Variants in LRRC8C observed in about 807,000 individuals in gnomAD.
The protein encoded by LRRC8C is volume-regulated anion channel subunit LRRC8C.
Under a neutral mutation model 55.3 loss-of-function variants are expected in LRRC8C, and 20 were observed. The observed-to-expected ratio is 0.36, with a 90% CI of 0.25 to 0.53. The LOEUF is 0.53. Ranked by LOEUF, LRRC8C falls within the 20% of genes least tolerant of loss-of-function variation. The probability of loss-of-function intolerance (pLI) is 0.92; values close to 1 mark genes in which losing one functional copy is unlikely to be tolerated. For missense variants in LRRC8C, 659 were observed against 951.4 expected (o/e 0.69, Z 4.04); for synonymous variants, 376 against 360.7 (o/e 1.04, Z -0.48).
the LRRC8C span, among the ~76,000 whole-genome samples, chr1:89,616,027 T>C: frequency 6.6e-6 from 1 of 152,126 alleles, no homozygotes; most frequent in Non-Finnish European, 1.5e-5. Flanking sequence ...TTCAACATTT[T>C]GGCCCAGGTG....
chr1:89,628,191 A>G (rs867067377), upstream of LRRC8C, among the ~76,000 whole-genome samples: 8 of 152,220 alleles, frequency 5.3e-5, no homozygotes, highest in African/African-American at 1.7e-4. Context: ...AAAGTTTTAT[A>G]GAATCCTATT....
chr1:89,667,831 G>A (rs7526513), intron 1 of LRRC8C, among the ~76,000 whole-genome samples: 150,030 of 152,260 alleles, frequency 0.99, 73,942 homozygotes, highest in Middle Eastern at 1. Flanking sequence ...CCGTGAGAAT[G>A]TTTTACATAA....
At chr1:89,670,528 T>C (rs1416241937) in intron 1 of LRRC8C, among the ~76,000 whole-genome samples, 2 of 152,186 alleles carry the variant, frequency 1.3e-5, no homozygotes, top group Non-Finnish European at 1.5e-5. Flanking sequence ...GTTGGAGTAG[T>C]GGTTAAATAT....
chr1:89,694,743 A>G (rs1453751989), intron 2 of LRRC8C, among the ~76,000 whole-genome samples: 1 of 151,352 alleles, frequency 6.6e-6, no homozygotes, highest in East Asian at 1.9e-4. Context: ...ATGCACCACC[A>G]CACCCAGCTA....
chr1:89,671,778 A>T (rs1657422844), intron 1 of LRRC8C, among the ~76,000 whole-genome samples: 1 of 152,234 alleles, frequency 6.6e-6, no homozygotes, highest in South Asian at 2.1e-4. Flanking sequence ...GTCAGTTTGC[A>T]TGTTCTAGAA....
At chr1:89,649,941 T>G (rs572706989) in intron 1 of LRRC8C, among the ~76,000 whole-genome samples, 32 of 152,320 alleles carry the variant, frequency 2.1e-4, no homozygotes, top group African/African-American at 7.5e-4. Flanking sequence ...GGACAAACTT[T>G]TGTGACCCCT....
In LRRC8C at chr1:89,712,841, C is replaced by G. The variant is rs755192499; in HGVS notation, c.271C>G (p.Pro91Ala). The G allele has an allele frequency of 1.2e-6, 2 of 1,614,218 alleles. 1 individual carries two copies. The highest frequency in any genetic ancestry group is 2.2e-5 in the South Asian group (2 of 91,086). ...LPPPKPSPAN[P>A]ITVEMKGLKT... ...TCCACCTAAACCATCTCCTGCTAACCCCATCACTGTGGAAATGAAAGGCCT... is the reference window on the plus strand; with the variant it reads ...TCCACCTAAACCATCTCCTGCTAACGCCATCACTGTGGAAATGAAAGGCCT... Residue 91 changes from proline (P) to alanine (A), a missense_variant, in exon 3 of 3, where the codon CCC becomes GCC. Physicochemically the swap from Pro to Ala is conservative, Grantham distance 27. Transcript: ENST00000370454.
intron 2 of LRRC8C, among the ~76,000 whole-genome samples, chr1:89,691,158 T>A (rs977928131): frequency 6.6e-6 from 1 of 152,194 alleles, no homozygotes; most frequent in Admixed American, 6.5e-5. Flanking sequence ...GATTGCTAAT[T>A]GTCTGAAGAC....
intron 2 of LRRC8C, among the ~76,000 whole-genome samples, chr1:89,704,091 G>A (rs965818895): frequency 5.9e-5 from 9 of 152,010 alleles, no homozygotes; most frequent in African/African-American, 2.2e-4. Context: ...TCTAAACAAG[G>A]TATATATTTG....
the LRRC8C span, among the ~76,000 whole-genome samples, chr1:89,623,580 G>A: frequency 6.6e-6 from 1 of 152,110 alleles, no homozygotes; most frequent in Non-Finnish European, 1.5e-5. Context: ...AAATTAGCCG[G>A]GCATGGTGGC....
chr1:89,684,957 T>G (rs936517725), intron 1 of LRRC8C, among the ~76,000 whole-genome samples: 38 of 152,160 alleles, frequency 2.5e-4, no homozygotes, highest in African/African-American at 9.2e-4. Context: ...AACACTGTGT[T>G]AACAGATTCA....
At chr1:89,620,486 T>G in the LRRC8C span, among the ~76,000 whole-genome samples, 1 of 150,094 alleles carries the variant, frequency 6.7e-6, no homozygotes, top group East Asian at 2.0e-4. Flanking sequence ...TAAAGACACA[T>G]GCAAAATCAG....
Position 89,714,692 on chromosome 1 carries a change from T to G in LRRC8C, c.2122T>G (p.Leu708Val). 1.2e-6 allele frequency: 2 copies of G among 1,614,190 alleles called. No individual in the cohort carries two copies. The highest frequency in any genetic ancestry group is 1.3e-5 in the African/African-American group (1 of 75,042). Reference protein sequence around the residue: ...IPPEIGVLQSLQYFSITCNKV... With the variant: ...IPPEIGVLQSVQYFSITCNKV... ...CCCTGAAATTGGAGTTCTACAAAGT[T>G]TACAGTATTTTTCCATCACATGTAA... is the stretch of plus-strand genomic sequence containing the variant. The change falls in exon 3 of 3, where the codon TTA (leucine) becomes GTA (valine). Residue 708 changes from leucine (L) to valine (V), a missense_variant. Transcript: ENST00000370454. This position sits in a 1 kb window ranked among gnomAD's most constrained non-coding sequence, Gnocchi z 4.6.
At chr1:89,682,860 T>C (rs1487367688) in intron 1 of LRRC8C, among the ~76,000 whole-genome samples, 2 of 152,232 alleles carry the variant, frequency 1.3e-5, no homozygotes, top group Non-Finnish European at 2.9e-5. Flanking sequence ...AAGAGAAAGC[T>C]CTTGTGTAAT....
chr1:89,691,345 G>A (rs1015943739), intron 2 of LRRC8C, among the ~76,000 whole-genome samples: 1 of 152,194 alleles, frequency 6.6e-6, no homozygotes, highest in African/African-American at 2.4e-5. Flanking sequence ...TAAGACGCAT[G>A]AAGGGGAAAA....
chr1:89,712,783 C>A lies in LRRC8C; in HGVS notation c.213C>A (p.Val71=), dbSNP rs1432525097. Reference sequence around the variant, plus strand: ...AGAACCACTCTTCCCTTTCGAATGTCTCTCAAGCAGTTGCCAGTACCACTC... The same window carrying A: ...AGAACCACTCTTCCCTTTCGAATGTATCTCAAGCAGTTGCCAGTACCACTC... The part of the protein sequence containing the change: ...PAQNHSSLSN[V]SQAVASTTPL... The change falls in exon 3 of 3, where the codon GTC becomes GTA. Residue 71 remains valine, a synonymous_variant. Coordinates refer to ENST00000370454, the MANE Select transcript of LRRC8C (RefSeq NM_032270.5). 1 of 1,614,178 alleles carries A rather than the reference C, an allele frequency of 6.2e-7. No homozygotes were observed. The highest frequency in any genetic ancestry group is 1.7e-5 in the Admixed American group (1 of 60,034).
intron 1 of LRRC8C, among the ~76,000 whole-genome samples, chr1:89,654,709 T>C (rs1330325109): frequency 6.6e-6 from 1 of 152,206 alleles, no homozygotes; most frequent in Non-Finnish European, 1.5e-5. Context: ...TACAATATTG[T>C]TGGTGAAAAG....
At chr1:89,686,921 A>G (rs1361315053) in intron 2 of LRRC8C, among the ~76,000 whole-genome samples, 5 of 152,220 alleles carry the variant, frequency 3.3e-5, no homozygotes, top group Non-Finnish European at 7.3e-5. Context: ...GAAATGTAAC[A>G]TATGTCCAGC....
intron 1 of LRRC8C, among the ~76,000 whole-genome samples, chr1:89,672,902 TGGA>T (rs1429975683): frequency 6.6e-6 from 1 of 152,132 alleles, no homozygotes; most frequent in Admixed American, 6.6e-5. Flanking sequence ...GATGGGTCAT[TGGA>T]AAAGAAGATC....
Sources: allele counts gnomAD v4.1 joint callset (sites outside exome capture counted in the v4.1 genomes callset), GRCh38; gene constraint gnomAD v4.1.1; non-coding constraint Gnocchi (gnomAD v3.1); transcripts MANE v1.5; gene names NCBI Gene and HGNC (gene_info 2026-07-23, HGNC 2026-07-21).